Variants in MIR2052HG observed in about 807,000 individuals in gnomAD.
MIR2052HG encodes MIR2052 host gene.
At chr8:74,740,442 C>A (rs1809814102) in intron 4 of MIR2052HG, among the ~76,000 whole-genome samples, 1 of 151,982 alleles carries the variant, frequency 6.6e-6, no homozygotes. Context: ...CCAGCCTGGG[C>A]AACAGAGTGA....
intron 2 of MIR2052HG, among the ~76,000 whole-genome samples, chr8:74,630,033 A>T (rs570564023): frequency 6.6e-6 from 1 of 152,334 alleles, no homozygotes; most frequent in East Asian, 1.9e-4. Context: ...TTACAGGCAC[A>T]GAAAAGAGTT....
intron 2 of MIR2052HG, among the ~76,000 whole-genome samples, chr8:74,667,634 T>C (rs1320170688): frequency 1.3e-5 from 2 of 152,154 alleles, no homozygotes; most frequent in Non-Finnish European, 1.5e-5. Flanking sequence ...GTTTCTGACA[T>C]TGGTTTTTCT....
intron 2 of MIR2052HG, among the ~76,000 whole-genome samples, chr8:74,620,992 A>C (rs1808353948): frequency 6.6e-6 from 1 of 152,174 alleles, no homozygotes; most frequent in African/African-American, 2.4e-5. Context: ...CATCTCTTTC[A>C]AGTTCAAAGT....
intron 2 of MIR2052HG, among the ~76,000 whole-genome samples, chr8:74,667,573 A>T (rs555396557): frequency 3.3e-4 from 50 of 152,178 alleles, no homozygotes; most frequent in African/African-American, 1.2e-3. Context: ...TTTGCCTCAC[A>T]CATGCTACTG....
intron 2 of MIR2052HG, among the ~76,000 whole-genome samples, chr8:74,616,259 T>A (rs1231025172): frequency 1.3e-5 from 2 of 151,628 alleles, no homozygotes; most frequent in Non-Finnish European, 2.9e-5. Flanking sequence ...TTTCTCCACA[T>A]CCTCTCCAGA....
intron 2 of MIR2052HG, among the ~76,000 whole-genome samples, chr8:74,685,029 A>G (rs1809165351): frequency 1.3e-5 from 2 of 152,098 alleles, no homozygotes; most frequent in South Asian, 4.1e-4. Flanking sequence ...TCTGAGACTC[A>G]TAATCTTTGC....
At chr8:74,654,447 T>TC (rs963771742) in intron 2 of MIR2052HG, among the ~76,000 whole-genome samples, 2 of 152,050 alleles carry the variant, frequency 1.3e-5, no homozygotes, top group African/African-American at 4.8e-5. Flanking sequence ...CTCCCGGAAC[T>TC]CCCCCGTGTT....
At chr8:74,624,269 C>T (rs1025366218) in intron 2 of MIR2052HG, among the ~76,000 whole-genome samples, 5 of 152,210 alleles carry the variant, frequency 3.3e-5, no homozygotes, top group African/African-American at 1.2e-4. Flanking sequence ...TTCCACATCA[C>T]TGGTACCACA....
intron 2 of MIR2052HG, among the ~76,000 whole-genome samples, chr8:74,660,761 A>T (rs1461367297): frequency 6.6e-6 from 1 of 152,148 alleles, no homozygotes; most frequent in East Asian, 1.9e-4. Flanking sequence ...AGTTTATTGT[A>T]TTATTTCAAA....
intron 2 of MIR2052HG, among the ~76,000 whole-genome samples, chr8:74,621,352 T>C (rs1035570016): frequency 6.6e-6 from 1 of 152,210 alleles, no homozygotes; most frequent in Non-Finnish European, 1.5e-5. Context: ...ATAGCAGCAC[T>C]CCACTCTCTG....
intron 2 of MIR2052HG, among the ~76,000 whole-genome samples, chr8:74,663,961 G>C (rs1197308416): frequency 6.6e-6 from 1 of 151,978 alleles, no homozygotes; most frequent in Non-Finnish European, 1.5e-5. Flanking sequence ...TATTGGTGAT[G>C]AGAAAGAAAC....
chr8:74,626,826 A>T (rs1045938740), intron 2 of MIR2052HG, among the ~76,000 whole-genome samples: 1 of 152,230 alleles, frequency 6.6e-6, no homozygotes, highest in African/African-American at 2.4e-5. Flanking sequence ...CGTTGTCTAC[A>T]CTGCAGCCAG....
intron 1 of MIR2052HG, chr8:74,604,120 T>A (rs962602917): frequency 5.6e-6 from 5 of 896,462 alleles, no homozygotes; most frequent in South Asian, 1.3e-5. Flanking sequence ...TGCACCACTC[T>A]CCTCGCGCAT....
intron 2 of MIR2052HG, among the ~76,000 whole-genome samples, chr8:74,679,920 C>T (rs1393905428): frequency 6.6e-6 from 1 of 152,118 alleles, no homozygotes; most frequent in African/African-American, 2.4e-5. Flanking sequence ...TATTCACCAT[C>T]ACCTCTTCTA....
intron 4 of MIR2052HG, among the ~76,000 whole-genome samples, chr8:74,749,519 A>G (rs1219224043): frequency 6.6e-6 from 1 of 152,126 alleles, no homozygotes; most frequent in Non-Finnish European, 1.5e-5. Context: ...TCTCAACATA[A>G]TTTCAAGTTC....
chr8:74,650,329 T>C (rs185843926), intron 2 of MIR2052HG, among the ~76,000 whole-genome samples: 4 of 152,314 alleles, frequency 2.6e-5, no homozygotes, highest in Admixed American at 2.0e-4. Flanking sequence ...AACGTAAGGT[T>C]TTTTGAGGTT....
At chr8:74,631,035 T>A (rs1041169700) in intron 2 of MIR2052HG, among the ~76,000 whole-genome samples, 6 of 152,220 alleles carry the variant, frequency 3.9e-5, no homozygotes, top group African/African-American at 1.4e-4. Flanking sequence ...ATATCCAAGA[T>A]TTTAGGGATG....
chr8:74,714,893 T>C (rs1809505724), intron 4 of MIR2052HG, among the ~76,000 whole-genome samples: 1 of 151,844 alleles, frequency 6.6e-6, no homozygotes. Flanking sequence ...TTGGTAGAGA[T>C]GGGGTCAAAC....
chr8:74,622,543 G>C (rs1388198479), intron 2 of MIR2052HG, among the ~76,000 whole-genome samples: 1 of 152,104 alleles, frequency 6.6e-6, no homozygotes, highest in Non-Finnish European at 1.5e-5. Flanking sequence ...GATGAAGGTT[G>C]CAGTGAGACA....
Sources: allele counts gnomAD v4.1 joint callset (sites outside exome capture counted in the v4.1 genomes callset), GRCh38; gene constraint gnomAD v4.1.1; transcripts MANE v1.5; gene names NCBI Gene and HGNC (gene_info 2026-07-23, HGNC 2026-07-21).